TAMM41: variants seen among roughly 807,000 people sequenced by gnomAD.
TAMM41 encodes the protein TAM41 mitochondrial translocator assembly and maintenance homolog.
TAMM41 carries 36 observed loss-of-function variants against 44.1 expected under a neutral mutation model. That is an observed-to-expected ratio of 0.82 (90% CI 0.63 to 1.08). TAMM41 has a LOEUF of 1.08. Ranked by LOEUF, TAMM41 falls within the 50% of genes least tolerant of loss-of-function variation. The pLI, the probability that TAMM41 is intolerant of heterozygous loss-of-function variation, is 0.00. For synonymous variants in TAMM41, 164 were observed against 153.1 expected (o/e 1.07, Z -0.53); for missense variants, 417 against 404.3 (o/e 1.03, Z -0.27).
At chr3:11,754,924 T>A in the TAMM41 span, among the ~76,000 whole-genome samples, 2 of 151,966 alleles carry the variant, frequency 1.3e-5, no homozygotes, top group African/African-American at 4.8e-5. Context: ...GGTCTCGAAC[T>A]CCTGACCTCA....
At chr3:11,733,654 G>A in the TAMM41 span, among the ~76,000 whole-genome samples, 1 of 151,904 alleles carries the variant, frequency 6.6e-6, no homozygotes, top group South Asian at 2.1e-4. Flanking sequence ...CACCACACCG[G>A]GCTCATTTTT....
At chr3:11,838,267 T>C (rs2125055714) in intron 3 of TAMM41, among the ~76,000 whole-genome samples, 1 of 152,320 alleles carries the variant, frequency 6.6e-6, no homozygotes, top group South Asian at 2.1e-4. Flanking sequence ...CAGGCTGGGG[T>C]GCGGTGGTGT....
chr3:11,758,740 C>A, the TAMM41 span, among the ~76,000 whole-genome samples: 1 of 152,080 alleles, frequency 6.6e-6, no homozygotes, highest in Non-Finnish European at 1.5e-5. Context: ...GTGGTACTAT[C>A]TCAGCTCACT....
At chr3:11,764,517 G>A in the TAMM41 span, among the ~76,000 whole-genome samples, 2 of 60,350 alleles carry the variant, frequency 3.3e-5, no homozygotes, top group Non-Finnish European at 5.8e-5. Context: ...TTTTGAGACA[G>A]AGTCTTGCTC....
the TAMM41 span, among the ~76,000 whole-genome samples, chr3:11,771,858 C>T: frequency 1.3e-5 from 2 of 152,200 alleles, no homozygotes; most frequent in East Asian, 3.8e-4. Context: ...GTTGGGATTA[C>T]AGGCGTGAGC....
intron 4 of TAMM41, among the ~76,000 whole-genome samples, chr3:11,819,021 T>C (rs2078403042): frequency 6.6e-6 from 1 of 152,094 alleles, no homozygotes; most frequent in Non-Finnish European, 1.5e-5. Flanking sequence ...CAAATATGGA[T>C]GAACTTGTTT....
At chr3:11,747,539 T>C in the TAMM41 span, among the ~76,000 whole-genome samples, 2 of 151,790 alleles carry the variant, frequency 1.3e-5, no homozygotes, top group Non-Finnish European at 2.9e-5. Flanking sequence ...GAGGCCGAGG[T>C]GGGATGATTG....
At chr3:11,723,912 C>G in the TAMM41 span, among the ~76,000 whole-genome samples, 26 of 151,316 alleles carry the variant, frequency 1.7e-4, no homozygotes, top group Admixed American at 3.3e-4. Flanking sequence ...GTGGAGGTAG[C>G]AAAGACACAA....
chr3:11,823,090 T>A (rs2078590381), intron 4 of TAMM41, among the ~76,000 whole-genome samples: 3 of 152,214 alleles, frequency 2.0e-5, no homozygotes. Flanking sequence ...GAATGGCGTC[T>A]CTGTGATTTG....
intron 4 of TAMM41, among the ~76,000 whole-genome samples, chr3:11,826,364 C>T (rs979816994): frequency 2.6e-5 from 4 of 151,740 alleles, no homozygotes; most frequent in South Asian, 2.1e-4. Context: ...GAGCCCCTGT[C>T]GCTACACAAA....
the TAMM41 span, among the ~76,000 whole-genome samples, chr3:11,743,822 G>C: frequency 6.6e-6 from 1 of 152,168 alleles, no homozygotes; most frequent in Middle Eastern, 3.4e-3. Context: ...TGCTTCCCGT[G>C]GCACAGTGGA....
intron 4 of TAMM41, among the ~76,000 whole-genome samples, chr3:11,818,879 T>C (rs1301646079): frequency 1.4e-5 from 2 of 140,942 alleles, no homozygotes; most frequent in Non-Finnish European, 3.0e-5. Context: ...GCCTGGGTGA[T>C]GAAGCAAGAC....
chr3:11,794,958 G>T (rs780791982), intron 7 of TAMM41, among the ~76,000 whole-genome samples: 1 of 152,148 alleles, frequency 6.6e-6, no homozygotes, highest in Non-Finnish European at 1.5e-5. Flanking sequence ...CTTATTTTAA[G>T]AACTCACAGG....
At chr3:11,745,710 A>G in the TAMM41 span, among the ~76,000 whole-genome samples, 1 of 152,244 alleles carries the variant, frequency 6.6e-6, no homozygotes, top group African/African-American at 2.4e-5. Flanking sequence ...TAATGGGTAC[A>G]GAGTTTCAGA....
chr3:11,727,825 T>G, the TAMM41 span, among the ~76,000 whole-genome samples: 1 of 150,624 alleles, frequency 6.6e-6, no homozygotes. Context: ...CTAGCTCTGT[T>G]GCCCAGGCTG....
At chr3:11,769,004 G>A in the TAMM41 span, among the ~76,000 whole-genome samples, 1 of 152,250 alleles carries the variant, frequency 6.6e-6, no homozygotes, top group Non-Finnish European at 1.5e-5. Context: ...TCAAGGGCAT[G>A]GCTGAGGATG....
the TAMM41 span, among the ~76,000 whole-genome samples, chr3:11,767,618 C>T: frequency 4.2e-3 from 210 of 50,390 alleles, 1 homozygote; most frequent in African/African-American, 0.016. Context: ...CTTGTCAACA[C>T]GTTGTGCATT....
the TAMM41 span, among the ~76,000 whole-genome samples, chr3:11,752,588 G>C: frequency 2.2e-5 from 3 of 137,626 alleles, no homozygotes; most frequent in Non-Finnish European, 4.6e-5. Flanking sequence ...GACCCAGGAA[G>C]TCCAGCTGGC....
At chr3:11,722,714 T>C in the TAMM41 span, among the ~76,000 whole-genome samples, 1 of 151,992 alleles carries the variant, frequency 6.6e-6, no homozygotes, top group Non-Finnish European at 1.5e-5. Context: ...CTCACACCTG[T>C]AATCCCAGCA....
Sources: allele counts gnomAD v4.1 joint callset (sites outside exome capture counted in the v4.1 genomes callset), GRCh38; gene constraint gnomAD v4.1.1; transcripts MANE v1.5; gene names NCBI Gene and HGNC (gene_info 2026-07-23, HGNC 2026-07-21).